TSKS: variants seen among roughly 807,000 people sequenced by gnomAD.
TSKS encodes testis-specific serine kinase substrate.
In TSKS, 27 loss-of-function variants were observed where a neutral mutation model predicts 68.0. The observed-to-expected ratio is 0.40, with a 90% CI of 0.29 to 0.55. TSKS has a LOEUF of 0.55. TSKS is among the 20% of genes least tolerant of loss of function. The pLI is 0.53. For missense variants in TSKS, 806 were observed against 776.0 expected (o/e 1.04, Z -0.46); for synonymous variants, 331 against 340.4 (o/e 0.97, Z 0.30).
chr19:49,748,508 T>C (rs775907405), intron 2 of TSKS, 39 bp from the exon 3 acceptor site: 3 of 1,587,274 alleles, frequency 1.9e-6, no homozygotes, highest in African/African-American at 1.3e-5. Flanking sequence ...AGTGGGTATG[T>C]GGGGGCAAGC....
At chr19:49,743,569 C>T (rs1195657582) in intron 8 of TSKS, among the ~76,000 whole-genome samples, 1 of 147,844 alleles carries the variant, frequency 6.8e-6, no homozygotes, top group Admixed American at 6.9e-5. Context: ...ATGATCTCAG[C>T]TCACTGCAAG....
chr19:49,745,511 G>C (rs909808935), intron 6 of TSKS, 115 bp from the exon 7 acceptor site: 4 of 930,388 alleles, frequency 4.3e-6, no homozygotes, highest in African/African-American at 3.4e-5. Context: ...GACCATGCCC[G>C]TGGCTCCAGA....
intron 6 of TSKS, among the ~76,000 whole-genome samples, chr19:49,745,700 T>C (rs2084292846): frequency 6.6e-6 from 1 of 151,970 alleles, no homozygotes; most frequent in Non-Finnish European, 1.5e-5. Context: ...CCCACCCTAC[T>C]CTGCCCCACG....
intron 9 of TSKS, 28 bp from the exon 10 acceptor site, chr19:49,740,211 G>T: frequency 6.3e-7 from 1 of 1,598,168 alleles, no homozygotes; most frequent in Non-Finnish European, 8.5e-7. Context: ...GGCGTAGCTG[G>T]GCTTGCTGGA....
intron 1 of TSKS, among the ~76,000 whole-genome samples, chr19:49,762,454 C>G (rs1368779272): frequency 7.1e-6 from 1 of 141,002 alleles, no homozygotes; most frequent in African/African-American, 2.6e-5. Flanking sequence ...GACAGAGTCT[C>G]ACTCTGTTGC....
intron 2 of TSKS, 87 bp from the exon 3 acceptor site, chr19:49,748,556 G>A (rs1239997351): frequency 1.6e-6 from 2 of 1,284,688 alleles, no homozygotes; most frequent in South Asian, 1.3e-5. Flanking sequence ...GGGAGGCTGT[G>A]TTTACACCTT....
chr19:49,759,797 T>G (rs2084425592), intron 2 of TSKS, among the ~76,000 whole-genome samples: 1 of 151,516 alleles, frequency 6.6e-6, no homozygotes, highest in Admixed American at 6.6e-5. Context: ...ATCATGCCAG[T>G]GCACTCCAGC....
intron 9 of TSKS, 111 bp downstream of exon 9, chr19:49,741,774 C>T: frequency 6.8e-7 from 1 of 1,480,336 alleles, no homozygotes; most frequent in Non-Finnish European, 9.3e-7. Context: ...GCTCCCAGCT[C>T]AGCCCTTCCC....
At chr19:49,742,772 C>T (rs1449357655) in intron 8 of TSKS, among the ~76,000 whole-genome samples, 1 of 152,170 alleles carries the variant, frequency 6.6e-6, no homozygotes, top group Admixed American at 6.6e-5. Flanking sequence ...GCTGGGATTA[C>T]AGGCGTAAGC....
At chr19:49,750,264 T>A (rs1247956030) in intron 2 of TSKS, among the ~76,000 whole-genome samples, 1 of 80,726 alleles carries the variant, frequency 1.2e-5, no homozygotes, top group Non-Finnish European at 2.1e-5. Context: ...TTGACATTCT[T>A]TTTTTTTTTT....
chr19:49,762,934 T>A, intron 1 of TSKS, 144 bp downstream of exon 1: 3 of 980,848 alleles, frequency 3.1e-6, no homozygotes, highest in Non-Finnish European at 4.4e-6. Flanking sequence ...TGACTTGATG[T>A]CTCTTCACTG....
chr19:49,740,583 C>T (rs548348043), intron 9 of TSKS, among the ~76,000 whole-genome samples: 10 of 152,324 alleles, frequency 6.6e-5, no homozygotes, highest in East Asian at 1.9e-4. Flanking sequence ...TAGACCAGCA[C>T]CTCTCACACA....
intron 2 of TSKS, among the ~76,000 whole-genome samples, chr19:49,756,328 A>G (rs2084392051): frequency 6.6e-6 from 1 of 152,034 alleles, no homozygotes; most frequent in African/African-American, 2.4e-5. Context: ...GTACAGTGGC[A>G]TGTGCTTGTG....
chr19:49,747,609 GGCT>G, intron 4 of TSKS, 137 bp from the exon 5 acceptor site: 2 of 837,198 alleles, frequency 2.4e-6, no homozygotes, highest in Non-Finnish European at 3.8e-6. Context: ...TCATTTCCTT[GGCT>G]AAGGGGATGG....
intron 9 of TSKS, among the ~76,000 whole-genome samples, chr19:49,741,528 C>A (rs2084252101): frequency 6.6e-6 from 1 of 152,154 alleles, no homozygotes; most frequent in African/African-American, 2.4e-5. Flanking sequence ...CCCCAATGAT[C>A]TTGTACAATG....
chr19:49,761,503 C>T (rs1362881343), intron 2 of TSKS, among the ~76,000 whole-genome samples: 1 of 152,196 alleles, frequency 6.6e-6, no homozygotes, highest in Non-Finnish European at 1.5e-5. Context: ...TGGTACCCCC[C>T]AGCCTGGCTT....
intron 2 of TSKS, among the ~76,000 whole-genome samples, chr19:49,753,767 A>G (rs1164914272): frequency 1.3e-5 from 2 of 150,432 alleles, no homozygotes; most frequent in East Asian, 3.9e-4. Flanking sequence ...AATAATAAAA[A>G]TAAATAAATA....
At position 49,746,613 on chromosome 19, in the gene TSKS, G is replaced by A; in HGVS notation, c.849C>T (p.Pro283=). Residue 283 remains proline (P), a synonymous_variant, in exon 6 of 11, where the codon CCC becomes CCT. Coordinates refer to ENST00000246801, the MANE Select transcript of TSKS (RefSeq NM_021733.2). ...GTTTGTCGGGACTCCCTGGCGGGCCGGGGCAGCCCTGGGACGTGGCGGCGG... is the reference window on the plus strand; with the variant it reads ...GTTTGTCGGGACTCCCTGGCGGGCCAGGGCAGCCCTGGGACGTGGCGGCGG... The part of the protein sequence containing the change: ...LGPAATSQGC[P]GPPGSPDKPS... 1 of 1,610,904 alleles carries A rather than the reference G, an allele frequency of 6.2e-7. No individual in the cohort carries two copies. The highest frequency in any genetic ancestry group is 8.5e-7 in the Non-Finnish European group (1 of 1,179,294).
intron 8 of TSKS, among the ~76,000 whole-genome samples, chr19:49,743,863 C>T (rs930127887): frequency 5.9e-5 from 9 of 151,852 alleles, no homozygotes; most frequent in African/African-American, 9.7e-5. Flanking sequence ...CGCGCCACCA[C>T]GCCCAGCTAA....
Sources: allele counts gnomAD v4.1 joint callset (sites outside exome capture counted in the v4.1 genomes callset), GRCh38; gene constraint gnomAD v4.1.1; transcripts MANE v1.5; gene names NCBI Gene and HGNC (gene_info 2026-07-23, HGNC 2026-07-21).